The following EDEM2 variants were observed in gnomAD, a reference collection of about 807,000 sequenced individuals.
EDEM2 encodes ER degradation-enhancing alpha-mannosidase-like protein 2.
EDEM2 carries 39 observed loss-of-function variants against 64.8 expected under a neutral mutation model. That is an observed-to-expected ratio of 0.60 (90% CI 0.47 to 0.79). The LOEUF (loss-of-function observed/expected upper bound fraction) is 0.79. Ranked by LOEUF, EDEM2 falls within the 30% of genes least tolerant of loss-of-function variation. The pLI is 0.00. For missense variants in EDEM2, 609 were observed against 731.3 expected (o/e 0.83, Z 1.93); for synonymous variants, 296 against 291.5 (o/e 1.02, Z -0.16).
chr20:35,119,227 AAAG>A (rs1486286144), intron 9 of EDEM2, among the ~76,000 whole-genome samples: 2 of 152,230 alleles, frequency 1.3e-5, no homozygotes, highest in African/African-American at 4.8e-5. Flanking sequence ...CTAAAACTCA[AAAG>A]AAGAGTAAGA....
intron 4 of EDEM2, among the ~76,000 whole-genome samples, chr20:35,138,594 T>C (rs2085609854): frequency 6.6e-6 from 1 of 151,876 alleles, no homozygotes; most frequent in African/African-American, 2.4e-5. Context: ...TTTTTTTTTT[T>C]TTTGAGACGG....
intron 5 of EDEM2, among the ~76,000 whole-genome samples, chr20:35,136,032 G>T (rs1366631370): frequency 2.6e-5 from 4 of 152,180 alleles, no homozygotes; most frequent in Admixed American, 6.5e-5. Flanking sequence ...AACAACTCCA[G>T]AGCAGCCTAT....
chr20:35,145,695 A>C (rs2085720011), intron 2 of EDEM2, among the ~76,000 whole-genome samples: 1 of 152,180 alleles, frequency 6.6e-6, no homozygotes, highest in Non-Finnish European at 1.5e-5. Flanking sequence ...TCATATCTTG[A>C]CTGTGATGGT....
intron 2 of EDEM2, among the ~76,000 whole-genome samples, chr20:35,145,312 C>A (rs750455704): frequency 3.9e-4 from 60 of 152,322 alleles, no homozygotes; most frequent in Admixed American, 9.8e-4. Flanking sequence ...AAAGCACAGG[C>A]CTTTCACCAA....
chr20:35,133,089 A>G (rs942112070), intron 6 of EDEM2, among the ~76,000 whole-genome samples: 2 of 152,138 alleles, frequency 1.3e-5, no homozygotes, highest in African/African-American at 4.8e-5. Flanking sequence ...TGGGAACTGG[A>G]GTTCAATCTT....
intron 4 of EDEM2, among the ~76,000 whole-genome samples, chr20:35,138,875 C>T (rs1311736649): frequency 6.6e-6 from 1 of 152,076 alleles, no homozygotes; most frequent in Admixed American, 6.6e-5. Flanking sequence ...TGAGCCACCG[C>T]ACCCGGCCTA....
intron 2 of EDEM2, among the ~76,000 whole-genome samples, chr20:35,145,632 A>C (rs763851764): frequency 2.0e-5 from 3 of 152,212 alleles, no homozygotes; most frequent in Non-Finnish European, 4.4e-5. Context: ...GTGGTGGTGC[A>C]GGGATGAACT....
intron 8 of EDEM2, among the ~76,000 whole-genome samples, chr20:35,124,896 GATGTAAAATGTTAT>G (rs2085412003): frequency 1.3e-5 from 2 of 152,150 alleles, no homozygotes; most frequent in Admixed American, 6.5e-5. Flanking sequence ...ACATCAAATA[GATGTAAAATGTTAT>G]GTGTAAGATA....
At chr20:35,144,905 A>G in intron 3 of EDEM2, 74 bp downstream of exon 3, 1 of 1,527,808 alleles carries the variant, frequency 6.5e-7, no homozygotes. Flanking sequence ...TTTCACCCAC[A>G]GTCACGCTGC....
chr20:35,123,924 T>C lies in EDEM2; in HGVS notation c.1080A>G (p.Thr360=). ...PEFYNIPQGY[T]VEKREGYPLR... ...GTGGGTAGCCCTCTCGCTTCTCCACTGTGTATCCCTGAGGAATGTTGTAGA... is the reference window on the plus strand; with the variant it reads ...GTGGGTAGCCCTCTCGCTTCTCCACCGTGTATCCCTGAGGAATGTTGTAGA... The change falls in exon 9 of 11, where the codon ACA becomes ACG. Residue 360 remains threonine, a synonymous_variant. Transcript: ENST00000374492. 1 of 1,614,100 alleles carries C rather than the reference T, an allele frequency of 6.2e-7. No individual in the cohort carries two copies. The highest frequency in any genetic ancestry group is 1.3e-5 in the African/African-American group (1 of 75,046).
In EDEM2 at chr20:35,142,447, A is replaced by G. The variant is rs748268998; in HGVS notation, c.290T>C (p.Val97Ala). The G allele has an allele frequency of 6.2e-7, 1 of 1,613,700 alleles. No homozygotes were observed. The highest frequency in any genetic ancestry group is 1.1e-5 in the South Asian group (1 of 91,066). ...ILGNVSEFQR[V>A]VEVLQDSVDF... ...CACGCTGTCCTGGAGCACTTCAACC[A>G]CTCTTTGGAATTCTGAGACATTCCC... The change falls in exon 4 of 11, where the codon GTG becomes GCG. Residue 97 changes from valine (V) to alanine (A), a missense_variant. Val to Ala is a moderately conservative substitution (Grantham distance 64). Transcript: ENST00000374492.
At chr20:35,120,134 G>A (rs548933828) in intron 9 of EDEM2, among the ~76,000 whole-genome samples, 19 of 152,228 alleles carry the variant, frequency 1.2e-4, no homozygotes, top group Admixed American at 5.9e-4. Flanking sequence ...TGCGATCTCC[G>A]CTCACTGCAA....
intron 9 of EDEM2, among the ~76,000 whole-genome samples, chr20:35,119,375 G>A (rs1006745694): frequency 6.6e-6 from 1 of 152,068 alleles, no homozygotes; most frequent in Admixed American, 6.6e-5. Flanking sequence ...TGAGAGGATC[G>A]TTTGAACCCA....
intron 3 of EDEM2, among the ~76,000 whole-genome samples, chr20:35,144,250 C>T (rs1025013174): frequency 1.3e-5 from 2 of 152,082 alleles, no homozygotes; most frequent in African/African-American, 2.4e-5. Context: ...AGTAAAGGTA[C>T]TAACCTCAAG....
chr20:35,124,082 C>G, intron 8 of EDEM2, 48 bp from the exon 9 acceptor site: 1 of 1,585,918 alleles, frequency 6.3e-7, no homozygotes, highest in Non-Finnish European at 8.6e-7. Context: ...GGCATAAAAC[C>G]CCACAGACAA....
Position 35,137,889 on chromosome 20 carries a change from GT to G in EDEM2, c.480del (p.Lys160AsnfsTer17), listed in dbSNP as rs1405757707. On this transcript the variant is annotated frameshift_variant, in exon 5 of 11. Coordinates refer to ENST00000374492, the MANE Select transcript of EDEM2 (RefSeq NM_018217.3). LOFTEE classifies it high-confidence loss of function. The part of the protein sequence containing the change: ...LLRMAEEAAR[K>X]LLPAFQTPTG... The stretch of plus-strand genomic sequence containing the variant: ...TCTGTGTGGGTCTTACCTGGGAGGA[GT>G]TTTCGGGCCGCCTCCTCAGCCATTC... 4 of 1,614,120 alleles carry G rather than the reference GT, an allele frequency of 2.5e-6. No homozygotes were observed. In the South Asian group the frequency reaches 4.4e-5, roughly 18 times the overall value.
chr20:35,143,681 T>A (rs79048371), intron 3 of EDEM2, among the ~76,000 whole-genome samples: 13,933 of 152,240 alleles, frequency 0.092, 730 homozygotes, highest in South Asian at 0.16. Flanking sequence ...GCTGATCCCA[T>A]CCCTCTAGCT....
In EDEM2 at chr20:35,129,002, C is replaced by T. The variant is rs371774281; in HGVS notation, c.845-2627G>A. Reference sequence around the variant, plus strand: ...ATTGGAGGCCAGGCATGGTGGCTCACGCCTCTAATCCCAGCACTTTGGGAG... The same window carrying T: ...ATTGGAGGCCAGGCATGGTGGCTCATGCCTCTAATCCCAGCACTTTGGGAG... On this transcript the variant is annotated intron_variant, in intron 7 of 10. Coordinates refer to ENST00000374492, the MANE Select transcript of EDEM2 (RefSeq NM_018217.3). Among the ~76,000 whole-genome samples, 6 of 152,174 alleles carry T rather than the reference C, an allele frequency of 3.9e-5. 1 individual carries two copies. Among genetic ancestry groups the T allele is most frequent in the African/African-American group, 1.4e-4 (6 of 41,436 alleles).
intron 8 of EDEM2, 121 bp downstream of exon 8, chr20:35,126,130 C>G: frequency 1.5e-6 from 2 of 1,319,186 alleles, no homozygotes; most frequent in Non-Finnish European, 2.0e-6. Context: ...CCATCCTCAA[C>G]CTGTCCCTCC....
Sources: gnomAD v4.1 joint callset for allele counts (sites outside exome capture counted in the v4.1 genomes callset) on GRCh38, gnomAD v4.1.1 for gene constraint, MANE v1.5 for transcripts, NCBI Gene and HGNC (gene_info 2026-07-23, HGNC 2026-07-21) for gene names.